ZFPM1: variants seen among roughly 807,000 people sequenced by gnomAD.
The protein encoded by ZFPM1 is zinc finger protein ZFPM1.
In ZFPM1, 28 loss-of-function variants were observed where a neutral mutation model predicts 46.3. The ratio of observed to expected loss-of-function variants is 0.60; its 90% CI spans 0.45 to 0.83. The LOEUF (loss-of-function observed/expected upper bound fraction) is 0.83, where lower values mean the gene tolerates loss of function less well. Ranked by LOEUF, ZFPM1 falls within the 40% of genes least tolerant of loss-of-function variation. ZFPM1 has a pLI of 0.00. For missense variants in ZFPM1, 1,878 were observed against 1,432.4 expected (o/e 1.31, Z -5.02); for synonymous variants, 957 against 675.9 (o/e 1.42, Z -6.45).
In ZFPM1 at chr16:88,489,037, ACTCACC is replaced by A; in HGVS notation, c.154_159del (p.Ser52_Pro53del). 6.2e-7 allele frequency: 1 copy of A among 1,612,000 alleles called. No homozygotes were observed. The highest frequency in any genetic ancestry group is 8.5e-7 in the Non-Finnish European group (1 of 1,179,254). On this transcript the variant is annotated inframe_deletion, in exon 3 of 10. Coordinates refer to ENST00000319555, the MANE Select transcript of ZFPM1 (RefSeq NM_153813.3). ...GGTGTTTTCCTCTCTGCAGATGTTA[ACTCACC>A]CCCACCGCTGCCGCCCCCCACATCC...
At chr16:88,455,727 G>C (rs1907522673) in intron 1 of ZFPM1, among the ~76,000 whole-genome samples, 1 of 152,168 alleles carries the variant, frequency 6.6e-6, no homozygotes, top group Non-Finnish European at 1.5e-5. Context: ...GATAAGGCGC[G>C]CAACCGATGG....
intron 3 of ZFPM1, among the ~76,000 whole-genome samples, chr16:88,498,336 A>C (rs1264343192): frequency 6.6e-6 from 1 of 152,206 alleles, no homozygotes; most frequent in East Asian, 1.9e-4. Context: ...CTTTGGGGCC[A>C]GGCGCATATC....
chr16:88,506,838 G>T (rs1019088500), intron 3 of ZFPM1, among the ~76,000 whole-genome samples: 2 of 152,184 alleles, frequency 1.3e-5, no homozygotes, highest in Admixed American at 6.5e-5. Flanking sequence ...CAGAGCCCTC[G>T]AGTGGCTTTG....
upstream of ZFPM1, among the ~76,000 whole-genome samples, chr16:88,452,501 C>T (rs1907319156): frequency 6.6e-6 from 1 of 152,258 alleles, no homozygotes; most frequent in Middle Eastern, 3.2e-3. Flanking sequence ...GATTTCCAGC[C>T]TGGTCTGAGC....
At chr16:88,464,931 C>T (rs1188012178) in intron 1 of ZFPM1, among the ~76,000 whole-genome samples, 1 of 152,158 alleles carries the variant, frequency 6.6e-6, no homozygotes, top group East Asian at 1.9e-4. Flanking sequence ...CATTTCCACT[C>T]CTCCCGAAGA....
intron 3 of ZFPM1, among the ~76,000 whole-genome samples, chr16:88,512,322 G>A (rs2142426434): frequency 6.6e-6 from 1 of 152,260 alleles, no homozygotes; most frequent in East Asian, 1.9e-4. Context: ...CGGCAGGTGT[G>A]GACGCTGCAG....
At chr16:88,465,766 AG>A (rs1247009431) in intron 1 of ZFPM1, among the ~76,000 whole-genome samples, 2 of 152,220 alleles carry the variant, frequency 1.3e-5, no homozygotes, top group African/African-American at 4.8e-5. Flanking sequence ...GATGGGACTC[AG>A]GTGCCATCGC....
In ZFPM1 at chr16:88,497,257, G is replaced by GGCCCCAGCCCCAGCCCCAGCCCCA. The variant is rs148805908; in HGVS notation, c.268+8111_268+8134dup. 6.6e-6 allele frequency among the ~76,000 whole-genome samples: 1 copy of GGCCCCAGCCCCAGCCCCAGCCCCA among 151,664 alleles called. No individual in the cohort carries two copies. The highest frequency in any genetic ancestry group is 1.5e-5 in the Non-Finnish European group (1 of 67,898). On this transcript the variant is annotated intron_variant, in intron 3 of 9. Coordinates refer to ENST00000319555, the MANE Select transcript of ZFPM1 (RefSeq NM_153813.3). This position sits in a 1 kb window ranked among gnomAD's most constrained non-coding sequence, Gnocchi z 5.4. The stretch of plus-strand genomic sequence containing the variant: ...GAGATGGGAGGGGCGGCAGGTGGAC[G>GGCCCCAGCCCCAGCCCCAGCCCCA]GCCCCAGCCCCAGCCCCAGCCCCAG...
At chr16:88,519,811 G>A (rs1480148656) in intron 4 of ZFPM1, among the ~76,000 whole-genome samples, 1 of 151,754 alleles carries the variant, frequency 6.6e-6, no homozygotes. Flanking sequence ...ATGATGGACA[G>A]GTGGATGAAT....
intron 1 of ZFPM1, among the ~76,000 whole-genome samples, chr16:88,464,364 C>T (rs1475399015): frequency 2.0e-5 from 3 of 152,200 alleles, no homozygotes; most frequent in South Asian, 2.1e-4. Flanking sequence ...CCAGAGGGGA[C>T]GGGACACCCT....
At chr16:88,520,574 ATGGATGGATGGATGGGAGGGTGAGTGGG>A (rs1911770929) in intron 4 of ZFPM1, among the ~76,000 whole-genome samples, 1 of 67,582 alleles carries the variant, frequency 1.5e-5, no homozygotes, top group African/African-American at 6.6e-5. Context: ...GGATGGATGG[ATGGATGGATGGATGGGAGGGTGAGTGGG>A]TGGATGGATG....
intron 4 of ZFPM1, among the ~76,000 whole-genome samples, chr16:88,520,358 G>T (rs371399648): frequency 6.6e-6 from 1 of 151,366 alleles, no homozygotes; most frequent in Non-Finnish European, 1.5e-5. Context: ...TAGATGAATA[G>T]ATGGGTGGAT....
intron 4 of ZFPM1, among the ~76,000 whole-genome samples, chr16:88,524,267 G>A (rs1035506079): frequency 9.2e-5 from 14 of 152,156 alleles, no homozygotes; most frequent in East Asian, 1.9e-4. Flanking sequence ...CGCCTGGCTC[G>A]GGAGCAGCCG....
In ZFPM1 at chr16:88,534,292, C is replaced by A; in HGVS notation, c.2334C>A (p.Gly778=). The change falls in exon 10 of 10, where the codon GGC becomes GGA. Residue 778 remains glycine (G), a synonymous_variant. Coordinates refer to ENST00000319555, the MANE Select transcript of ZFPM1 (RefSeq NM_153813.3). ...SPRPGSGSGS[G]PGLAPARSPG... ...GGCCCGGAAGCGGAAGCGGAAGCGG[C>A]CCCGGCCTCGCCCCTGCGCGCTCGC... 1 of 1,215,824 alleles carries A rather than the reference C, an allele frequency of 8.2e-7. No homozygotes were observed. Among genetic ancestry groups the A allele is most frequent in the Non-Finnish European group, 1.0e-6 (1 of 978,508 alleles). The allele number at this position is 1,215,824 out of a possible 1,614,324, so 75.3% of individuals were successfully genotyped here.
chr16:88,505,003 G>A (rs989006593), intron 3 of ZFPM1, among the ~76,000 whole-genome samples: 1 of 152,244 alleles, frequency 6.6e-6, no homozygotes, highest in Non-Finnish European at 1.5e-5. Flanking sequence ...ATTAGCTGGG[G>A]CCAGGGTTCA....
intron 4 of ZFPM1, chr16:88,516,721 C>A: frequency 2.5e-6 from 1 of 397,008 alleles, no homozygotes; most frequent in Non-Finnish European, 4.4e-6. Context: ...CCAGTTCTCT[C>A]CCCGACCCCT....
In ZFPM1 at chr16:88,498,953, G is replaced by C. The variant is rs534877677; in HGVS notation, c.268+9800G>C. ...CAGGCCTGGGTGGGGGCTGCACCCG[G>C]GTCCTGCCTGCACCACCAGACCCCA... On this transcript the variant is annotated intron_variant, in intron 3 of 9. Transcript: ENST00000319555. Among the ~76,000 whole-genome samples, 285 of 152,270 alleles carry C rather than the reference G, an allele frequency of 1.9e-3. 1 individual carries two copies. Among genetic ancestry groups the C allele is most frequent in the African/African-American group, 6.4e-3 (267 of 41,566 alleles).
Position 88,484,358 on chromosome 16 carries a change from G to C in ZFPM1, c.41-1581G>C, listed in dbSNP as rs1909101326. Reference sequence around the variant, plus strand: ...GGGATGGGGCGCTCAGCCCTCAGGAGGTGGTTGTTCCAGCCTGCAACGCTC... The same window carrying C: ...GGGATGGGGCGCTCAGCCCTCAGGACGTGGTTGTTCCAGCCTGCAACGCTC... On this transcript the variant is annotated intron_variant, in intron 1 of 9. Coordinates refer to ENST00000319555, the MANE Select transcript of ZFPM1 (RefSeq NM_153813.3). Among the ~76,000 whole-genome samples the C allele has an allele frequency of 2.6e-5, 4 of 152,242 alleles. No individual in the cohort carries two copies. The South Asian group carries it at 6.2e-4, about 24-fold the overall frequency.
chr16:88,528,646 G>C (rs1373757173), intron 6 of ZFPM1, among the ~76,000 whole-genome samples: 3 of 152,218 alleles, frequency 2.0e-5, no homozygotes, highest in African/African-American at 7.2e-5. Flanking sequence ...GGACACCACG[G>C]GGGGTGAGCG....
Sources: gnomAD v4.1 joint callset for allele counts (sites outside exome capture counted in the v4.1 genomes callset) on GRCh38, gnomAD v4.1.1 for gene constraint, Gnocchi (gnomAD v3.1) non-coding constraint, MANE v1.5 for transcripts, NCBI Gene and HGNC (gene_info 2026-07-23, HGNC 2026-07-21) for gene names.